The following RASAL2 variants were observed in gnomAD, a reference collection of about 807,000 sequenced individuals.
RASAL2 encodes the protein RAS protein activator like 2, also known as ras GTPase-activating protein nGAP.
In RASAL2, 58 loss-of-function variants were observed where a neutral mutation model predicts 128.9. The observed-to-expected ratio is 0.45, with a 90% confidence interval of 0.36 to 0.56. The LOEUF (loss-of-function observed/expected upper bound fraction) is 0.56, where lower values mean the gene tolerates loss of function less well. Among genes scored for constraint, RASAL2 ranks in the 20% least tolerant of loss-of-function variants. The pLI is 0.00. For synonymous variants in RASAL2, 561 were observed against 580.8 expected (o/e 0.97, Z 0.49); for missense variants, 1,360 against 1,601.6 (o/e 0.85, Z 2.57).
At position 178,292,518 on chromosome 1, in the gene RASAL2, T is replaced by C. The variant is rs530530892; in HGVS notation, c.331-7474T>C. On this transcript the variant is annotated intron_variant, in intron 2 of 17. Transcript: ENST00000367649. ...GAGTGTCACCTTGACAAATGACTTA[T>C]TGGTTCAGTAAACTGCTTCATGCAA... 3.3e-5 allele frequency among the ~76,000 whole-genome samples: 5 copies of C among 152,350 alleles called. 1 individual carries two copies. The South Asian group carries it at 8.3e-4, about 25-fold the overall frequency.
intron 3 of RASAL2, among the ~76,000 whole-genome samples, chr1:178,324,929 G>T (rs1432199462): frequency 6.6e-6 from 1 of 152,092 alleles, no homozygotes; most frequent in Admixed American, 6.6e-5. Flanking sequence ...CTGCCAACTG[G>T]TCTCTCTAGT....
chr1:178,428,201 T>C (rs1675651071), intron 5 of RASAL2, among the ~76,000 whole-genome samples: 1 of 152,158 alleles, frequency 6.6e-6, no homozygotes, highest in South Asian at 2.1e-4. Context: ...TTGGGTTGTT[T>C]CCAGTTTTTG....
At chr1:178,309,289 G>A (rs1469287433) in intron 3 of RASAL2, among the ~76,000 whole-genome samples, 2 of 152,046 alleles carry the variant, frequency 1.3e-5, no homozygotes, top group Non-Finnish European at 2.9e-5. Flanking sequence ...TGTAAAATAA[G>A]ATTATTTGAC....
intron 2 of RASAL2, among the ~76,000 whole-genome samples, chr1:178,286,181 G>C (rs1426005156): frequency 2.0e-5 from 3 of 152,046 alleles, no homozygotes; most frequent in African/African-American, 7.2e-5. Context: ...TTCATCATCA[G>C]CAAAACCAGC....
At chr1:178,118,994 A>G (rs539429619) in intron 1 of RASAL2, among the ~76,000 whole-genome samples, 4 of 152,002 alleles carry the variant, frequency 2.6e-5, no homozygotes, top group Non-Finnish European at 5.9e-5. Context: ...CAGCCTCCCA[A>G]GTAGCTGGGA....
intron 9 of RASAL2, among the ~76,000 whole-genome samples, chr1:178,450,758 C>G (rs1285922445): frequency 6.6e-6 from 1 of 152,060 alleles, no homozygotes; most frequent in African/African-American, 2.4e-5. Context: ...TTATTGAGCA[C>G]CTGTAACATT....
At chr1:178,223,579 T>G in intron 1 of RASAL2, among the ~76,000 whole-genome samples, 1 of 152,154 alleles carries the variant, frequency 6.6e-6, no homozygotes, top group Non-Finnish European at 1.5e-5. Flanking sequence ...ATCAAGAATT[T>G]TGTCTTGATT....
intron 3 of RASAL2, among the ~76,000 whole-genome samples, chr1:178,351,601 C>T (rs562639108): frequency 7.2e-5 from 11 of 152,146 alleles, no homozygotes; most frequent in East Asian, 1.9e-4. Context: ...TGTGGTGGCG[C>T]GGCTGTAGTC....
intron 1 of RASAL2, among the ~76,000 whole-genome samples, chr1:178,253,272 G>A (rs1665138727): frequency 6.6e-6 from 1 of 152,064 alleles, no homozygotes; most frequent in African/African-American, 2.4e-5. Context: ...TGATTTGGGT[G>A]ATTAGATTTC....
rs1051822609 is a variant in RASAL2 at position 178,452,488 on chromosome 1, C to T, written c.1845C>T (p.Asp615=). 1.2e-6 allele frequency: 2 copies of T among 1,613,982 alleles called. No individual in the cohort carries two copies. The highest frequency in any genetic ancestry group is 1.1e-5 in the South Asian group (1 of 91,084). ...KQQCLNRGKQ[D]ISERLISASL... is the part of the protein sequence containing the mutation. Reference sequence around the variant, plus strand: ...AGTGCCTGAACCGTGGCAAGCAAGACATCAGCGAGAGGCTCATCAGTGCCT... The same window carrying T: ...AGTGCCTGAACCGTGGCAAGCAAGATATCAGCGAGAGGCTCATCAGTGCCT... Residue 615 remains aspartate (D), a synonymous_variant, in exon 11 of 18, where the codon GAC becomes GAT. Transcript: ENST00000367649.
At chr1:178,133,866 A>G (rs1305398993) in intron 1 of RASAL2, among the ~76,000 whole-genome samples, 2 of 152,200 alleles carry the variant, frequency 1.3e-5, no homozygotes, top group Non-Finnish European at 2.9e-5. Flanking sequence ...TGACTGTCAA[A>G]TCAGGGAAGG....
At chr1:178,433,252 C>G (rs1407343310) in intron 5 of RASAL2, among the ~76,000 whole-genome samples, 1 of 152,094 alleles carries the variant, frequency 6.6e-6, no homozygotes, top group Non-Finnish European at 1.5e-5. Context: ...CCACCCCATC[C>G]CCATGAAGAT....
At chr1:178,398,690 T>A (rs1410165266) in intron 4 of RASAL2, among the ~76,000 whole-genome samples, 2 of 152,164 alleles carry the variant, frequency 1.3e-5, no homozygotes, top group African/African-American at 4.8e-5. Flanking sequence ...TCACTTTATG[T>A]TTTTCTTAAA....
chr1:178,348,276 A>G (rs904350628), intron 3 of RASAL2, among the ~76,000 whole-genome samples: 1 of 152,108 alleles, frequency 6.6e-6, no homozygotes, highest in African/African-American at 2.4e-5. Flanking sequence ...TTATTTGTAC[A>G]CTGCTCTTTT....
At chr1:178,325,393 A>G (rs1668989318) in intron 3 of RASAL2, among the ~76,000 whole-genome samples, 1 of 152,218 alleles carries the variant, frequency 6.6e-6, no homozygotes, top group African/African-American at 2.4e-5. Context: ...TAATCAGAGT[A>G]GTGCCACCGA....
intron 1 of RASAL2, among the ~76,000 whole-genome samples, chr1:178,277,147 CAAAAAAA>C (rs61384367): frequency 3.6e-5 from 2 of 55,146 alleles, no homozygotes; most frequent in Non-Finnish European, 7.1e-5. Context: ...GATTCCCTCT[CAAAAAAA>C]AAAAAAAAAA....
intron 3 of RASAL2, among the ~76,000 whole-genome samples, chr1:178,334,767 G>A (rs1669506829): frequency 6.6e-6 from 1 of 152,166 alleles, no homozygotes; most frequent in African/African-American, 2.4e-5. Context: ...AGACCATCCT[G>A]GCCAACATGG....
In RASAL2 at chr1:178,473,431, C is replaced by T; in HGVS notation, c.*192C>T. The T allele has an allele frequency of 1.5e-6, 1 of 645,376 alleles. No individual in the cohort carries two copies. Among genetic ancestry groups the T allele is most frequent in the Non-Finnish European group, 2.6e-6 (1 of 379,362 alleles). The allele number at this position is 645,376 out of a possible 1,614,324, so 40.0% of individuals were successfully genotyped here. The stretch of plus-strand genomic sequence containing the variant: ...CGACTTCCAAGGTCAATGCTTTTCC[C>T]CCACATCTCTATGTACATAGGGAAC... On this transcript the variant is annotated 3_prime_UTR_variant, in exon 18 of 18. Coordinates refer to ENST00000367649, the MANE Select transcript of RASAL2 (RefSeq NM_170692.4).
intron 1 of RASAL2, among the ~76,000 whole-genome samples, chr1:178,262,226 C>G (rs1011813746): frequency 6.6e-6 from 1 of 152,150 alleles, no homozygotes; most frequent in Admixed American, 6.5e-5. Flanking sequence ...TTAGGAAGGT[C>G]GTGCTCTTGG....
Sources: allele counts gnomAD v4.1 joint callset (sites outside exome capture counted in the v4.1 genomes callset), GRCh38; gene constraint gnomAD v4.1.1; transcripts MANE v1.5; gene names NCBI Gene and HGNC (gene_info 2026-07-23, HGNC 2026-07-21).